Variants in FAAH2 observed in about 807,000 individuals in gnomAD.
The protein encoded by FAAH2 is fatty acid amide hydrolase 2.
Under a neutral mutation model 36.9 loss-of-function variants are expected in FAAH2, and 60 were observed. The ratio of observed to expected loss-of-function variants is 1.63; its 90% CI spans 1.32 to 2.02. The LOEUF (loss-of-function observed/expected upper bound fraction) is 2.02, where lower values mean the gene tolerates loss of function less well. FAAH2 is among the 30% of genes most tolerant of loss of function. The pLI is 0.00. For synonymous variants in FAAH2, 214 were observed against 143.8 expected (o/e 1.49, Z -3.49); for missense variants, 689 against 397.5 (o/e 1.73, Z -6.23).
intron 9 of FAAH2, among the ~76,000 whole-genome samples, chrX:57,447,358 T>C (rs2056696252): frequency 9.0e-6 from 1 of 111,366 alleles, no homozygotes; most frequent in Non-Finnish European, 1.9e-5. Context: ...TCAGTGGATC[T>C]ACCATTCTGG....
chrX:57,289,058 C>T (rs1455047773), intron 1 of FAAH2, among the ~76,000 whole-genome samples: 1 of 111,994 alleles, frequency 8.9e-6, no homozygotes, highest in Non-Finnish European at 1.9e-5. Context: ...ATAAGGCAAA[C>T]ATTTTACTTA....
chrX:57,390,426 C>T (rs1166103172), intron 7 of FAAH2, among the ~76,000 whole-genome samples: 1 of 111,033 alleles, frequency 9.0e-6, no homozygotes, highest in East Asian at 2.8e-4. Flanking sequence ...TTCTAGTGTA[C>T]CAGTCATGCA....
At chrX:57,300,234 G>T (rs1226923644) in intron 2 of FAAH2, among the ~76,000 whole-genome samples, 1 of 111,527 alleles carries the variant, frequency 9.0e-6, no homozygotes, top group Non-Finnish European at 1.9e-5. Context: ...AATCAAAACA[G>T]TATGGTACTG....
At chrX:57,249,381 A>T in the FAAH2 span, among the ~76,000 whole-genome samples, 4 of 112,329 alleles carry the variant, frequency 3.6e-5, no homozygotes, top group Non-Finnish European at 5.6e-5. Context: ...GCCTGATAAA[A>T]TAATGAAGGC....
At chrX:57,488,489 G>A (rs1412355415) in intron 10 of FAAH2, among the ~76,000 whole-genome samples, 1 of 111,385 alleles carries the variant, frequency 9.0e-6, no homozygotes, top group African/African-American at 3.2e-5. Flanking sequence ...GCTTTTGCTA[G>A]CCAAGTGATC....
At chrX:57,230,252 T>C in the FAAH2 span, among the ~76,000 whole-genome samples, 106 of 112,179 alleles carry the variant, frequency 9.4e-4, no homozygotes, top group Non-Finnish European at 1.7e-3. Flanking sequence ...GTGAAACCTC[T>C]CTTGCCAATT....
At chrX:57,253,724 A>AT in the FAAH2 span, among the ~76,000 whole-genome samples, 9 of 111,496 alleles carry the variant, frequency 8.1e-5, no homozygotes, top group Non-Finnish European at 1.7e-4. Context: ...ATGGTGAGAG[A>AT]TTTTGTCACC....
chrX:57,237,576 G>A, the FAAH2 span, among the ~76,000 whole-genome samples: 1 of 110,447 alleles, frequency 9.1e-6, no homozygotes, highest in African/African-American at 3.3e-5. Flanking sequence ...TCTCTATCAT[G>A]ACAAAGAGAT....
intron 3 of FAAH2, among the ~76,000 whole-genome samples, chrX:57,329,520 A>G (rs1210055696): frequency 9.1e-6 from 1 of 109,642 alleles, no homozygotes; most frequent in Non-Finnish European, 1.9e-5. Context: ...TCTGACAACA[A>G]TGGTGGTGCA....
At chrX:57,470,420 A>G (rs1244104743) in intron 10 of FAAH2, among the ~76,000 whole-genome samples, 1 of 111,725 alleles carries the variant, frequency 9.0e-6, no homozygotes, top group African/African-American at 3.3e-5. Context: ...GCGGATATCA[A>G]CACCAATCCC....
intron 1 of FAAH2, among the ~76,000 whole-genome samples, chrX:57,288,295 C>A (rs769213067): frequency 9.5e-6 from 1 of 105,138 alleles, no homozygotes; most frequent in Non-Finnish European, 1.9e-5. Context: ...GTTCAGAAAT[C>A]CTAGCTTTTC....
chrX:57,303,507 G>C (rs988647808), intron 2 of FAAH2, among the ~76,000 whole-genome samples: 1 of 111,996 alleles, frequency 8.9e-6, no homozygotes, highest in Non-Finnish European at 1.9e-5. Context: ...TTTACTGAGT[G>C]GCTCTTCTGT....
intron 7 of FAAH2, among the ~76,000 whole-genome samples, chrX:57,415,535 T>C (rs1203406274): frequency 8.9e-6 from 1 of 112,065 alleles, no homozygotes; most frequent in Non-Finnish European, 1.9e-5. Flanking sequence ...TTTTGCAGTT[T>C]TGAGTGAGCT....
At chrX:57,122,124 A>T in the FAAH2 span, among the ~76,000 whole-genome samples, 1 of 111,672 alleles carries the variant, frequency 9.0e-6, no homozygotes, top group Non-Finnish European at 1.9e-5. Flanking sequence ...TAGGAAATTA[A>T]TATTAAGAGG....
chrX:57,189,898 T>C, the FAAH2 span, among the ~76,000 whole-genome samples: 1 of 112,293 alleles, frequency 8.9e-6, no homozygotes, highest in Admixed American at 9.4e-5. Context: ...GTCTGTCCCT[T>C]AGCAGAGCTT....
At chrX:57,156,409 T>C in the FAAH2 span, among the ~76,000 whole-genome samples, 1 of 112,093 alleles carries the variant, frequency 8.9e-6, no homozygotes, top group Non-Finnish European at 1.9e-5. Context: ...TTTAGTGATA[T>C]CATGTCTCCT....
At chrX:57,156,809 C>A in the FAAH2 span, among the ~76,000 whole-genome samples, 1 of 111,795 alleles carries the variant, frequency 8.9e-6, no homozygotes, top group Admixed American at 9.5e-5. Flanking sequence ...CTCCTATGAC[C>A]ACTGCACCTG....
At chrX:57,333,877 A>G (rs2053473602) in intron 4 of FAAH2, among the ~76,000 whole-genome samples, 1 of 112,155 alleles carries the variant, frequency 8.9e-6, no homozygotes, top group Non-Finnish European at 1.9e-5. Context: ...TACACCTAGC[A>G]TAATATTTCA....
chrX:57,457,767 A>G (rs2056887381), intron 10 of FAAH2, among the ~76,000 whole-genome samples: 1 of 109,849 alleles, frequency 9.1e-6, no homozygotes, highest in East Asian at 2.9e-4. Flanking sequence ...TACAAGCAGA[A>G]CTGCAAAACA....
Sources: gnomAD v4.1 joint callset for allele counts (sites outside exome capture counted in the v4.1 genomes callset) on GRCh38, gnomAD v4.1.1 for gene constraint, MANE v1.5 for transcripts, NCBI Gene and HGNC (gene_info 2026-07-23, HGNC 2026-07-21) for gene names.